Variants in KIF9 observed in about 807,000 individuals in gnomAD.
The protein encoded by KIF9 is kinesin family member 9.
KIF9 carries 68 observed loss-of-function variants against 94.8 expected under a neutral mutation model. The ratio of observed to expected loss-of-function variants is 0.72; its 90% confidence interval spans 0.59 to 0.88. KIF9 has a LOEUF of 0.88. Among genes scored for constraint, KIF9 ranks in the 40% least tolerant of loss-of-function variants. The pLI is 0.00. For synonymous variants in KIF9, 343 were observed against 362.1 expected, an observed-to-expected ratio of 0.95 and a Z score of 0.60; for missense variants, 882 against 982.5, an observed-to-expected ratio of 0.90 and a Z score of 1.37.
chr3:47,238,064 T>C (rs1346671963), intron 17 of KIF9, among the ~76,000 whole-genome samples: 1 of 152,236 alleles, frequency 6.6e-6, no homozygotes, highest in Admixed American at 6.5e-5. Flanking sequence ...AATTTAAAGA[T>C]GATTTTACAT....
Position 47,254,845 on chromosome 3 carries a change from G to GA in KIF9, c.1059+2637dup, listed in dbSNP as rs557979387. 5.9e-5 allele frequency among the ~76,000 whole-genome samples: 9 copies of GA among 151,352 alleles called. No individual in the cohort carries two copies. The South Asian group carries it at 1.9e-3, about 32-fold the overall frequency. ...TAAGATGAAATTTTTAAAAAAGAAA[G>GA]AAAAAAAAGGGCATCTTCAGGCCCC... On this transcript the variant is annotated intron_variant, in intron 10 of 20. Transcript: ENST00000684063.
intron 17 of KIF9, among the ~76,000 whole-genome samples, chr3:47,236,946 C>T (rs1699069178): frequency 6.6e-6 from 1 of 152,174 alleles, no homozygotes; most frequent in Admixed American, 6.5e-5. Flanking sequence ...AGTAAGCACC[C>T]CTAGTATACA....
At chr3:47,260,913 G>A (rs1441244766) in intron 9 of KIF9, among the ~76,000 whole-genome samples, 3 of 152,248 alleles carry the variant, frequency 2.0e-5, no homozygotes, top group African/African-American at 7.2e-5. Context: ...GCGAGAGCCA[G>A]GTCAACATCT....
At chr3:47,268,402 C>G (rs1042294697) in intron 5 of KIF9, among the ~76,000 whole-genome samples, 4 of 152,040 alleles carry the variant, frequency 2.6e-5, no homozygotes, top group African/African-American at 4.8e-5. Context: ...GACAGCCCCC[C>G]CTGGGGAGAG....
intron 20 of KIF9, among the ~76,000 whole-genome samples, chr3:47,232,909 G>A (rs1259250461): frequency 1.3e-5 from 2 of 149,914 alleles, no homozygotes; most frequent in African/African-American, 4.9e-5. Context: ...GTGAACCCGG[G>A]AGGCGGAGTT....
intron 10 of KIF9, among the ~76,000 whole-genome samples, chr3:47,256,887 G>A (rs1700651246): frequency 6.6e-6 from 1 of 152,204 alleles, no homozygotes. Flanking sequence ...TCCACTCAGG[G>A]TTAAATGGAT....
chr3:47,281,242 A>G, intron 1 of KIF9: 1 of 520,954 alleles, frequency 1.9e-6, no homozygotes, highest in Non-Finnish European at 3.4e-6. Context: ...CTTCCATGAC[A>G]ACTCCAACCA....
rs1371401691 is a variant in KIF9 at position 47,257,560 on chromosome 3, G to C, written c.982C>G (p.Leu328Val). Residue 328 changes from leucine to valine, a missense_variant and splice_region_variant, in exon 10 of 21, where the codon CTA (leucine) becomes GTA (valine). By Grantham distance (32) the Leu-to-Val change is conservative. Transcript: ENST00000684063. ...YGEAAQLEET[L>V]SSLRFASRMK... Reference sequence around the variant, plus strand: ...CTGCTGGCAAATCTCAGTGAAGATAGCTGCAAAACAGAGCAGGTAGACATT... The same window carrying C: ...CTGCTGGCAAATCTCAGTGAAGATACCTGCAAAACAGAGCAGGTAGACATT... The C allele has an allele frequency of 6.2e-7, 1 of 1,613,062 alleles. No individual in the cohort carries two copies. The highest frequency in any genetic ancestry group is 1.7e-5 in the Admixed American group (1 of 60,032).
Position 47,228,702 on chromosome 3 carries a change from G to T in KIF9, c.2323C>A (p.His775Asn), listed in dbSNP as rs780934048. Residue 775 changes from histidine (H) to asparagine (N), a missense_variant and splice_region_variant, in exon 21 of 21, where the codon CAT becomes AAT. Physicochemically the swap from His to Asn is moderately conservative, Grantham distance 68. Transcript: ENST00000684063. ...YNAKVKIEQKHNYLKTMMGLQ... is the reference protein window; with the variant it reads ...YNAKVKIEQKNNYLKTMMGLQ... ...CCCATCATGGTTTTCAAGTAATTAT[G>T]CTGGACACAGAGGGAAGAGAAAACA... 10 of 1,613,340 alleles carry T rather than the reference G, an allele frequency of 6.2e-6. No individual in the cohort carries two copies. Among genetic ancestry groups the T allele is most frequent in the Admixed American group, 3.3e-5 (2 of 59,986 alleles).
chr3:47,265,720 AC>A lies in KIF9; in HGVS notation c.916+9del, dbSNP rs1553622497. 8 of 1,613,192 alleles carry A rather than the reference AC, an allele frequency of 5.0e-6. No homozygotes were observed. Among genetic ancestry groups the A allele is most frequent in the Non-Finnish European group, 6.8e-6 (8 of 1,179,416 alleles). On this transcript the variant is annotated intron_variant, in intron 8 of 20. Transcript: ENST00000684063. ...ACCCTCCTCCCTGGGCAGCAACTGTACCCCCTCACCTAACGAGTCCTTCAGA... is the reference window on the plus strand; with the variant it reads ...ACCCTCCTCCCTGGGCAGCAACTGTACCCCTCACCTAACGAGTCCTTCAGA...
At chr3:47,251,810 C>T (rs1700289183) in intron 10 of KIF9, among the ~76,000 whole-genome samples, 1 of 152,192 alleles carries the variant, frequency 6.6e-6, no homozygotes, top group South Asian at 2.1e-4. Flanking sequence ...TACTAAGTCT[C>T]TCCCTGCTGT....
intron 1 of KIF9, 89 bp downstream of exon 1, chr3:47,282,406 C>T: frequency 1.0e-6 from 1 of 986,414 alleles, no homozygotes; most frequent in Non-Finnish European, 1.2e-6. Context: ...CCAGATAAAG[C>T]GGTTTTTGGA....
At chr3:47,280,795 C>T (rs1702282071) in intron 1 of KIF9, among the ~76,000 whole-genome samples, 1 of 152,170 alleles carries the variant, frequency 6.6e-6, no homozygotes, top group African/African-American at 2.4e-5. Flanking sequence ...TGTATGCTTC[C>T]CAAGGCCCTC....
intron 9 of KIF9, among the ~76,000 whole-genome samples, chr3:47,262,313 C>G (rs1179170939): frequency 6.7e-6 from 1 of 150,328 alleles, no homozygotes; most frequent in African/African-American, 2.5e-5. Context: ...GAGTCTTGCT[C>G]TGTCACCCAG....
chr3:47,234,488 C>T (rs1423873061), intron 20 of KIF9, among the ~76,000 whole-genome samples: 1 of 151,966 alleles, frequency 6.6e-6, no homozygotes, highest in Non-Finnish European at 1.5e-5. Context: ...CCTGCCTCAG[C>T]CTCCCAAAGT....
chr3:47,235,955 G>A (rs1698993520), intron 19 of KIF9, 79 bp downstream of exon 19: 1 of 1,089,962 alleles, frequency 9.2e-7, no homozygotes, highest in Non-Finnish European at 1.4e-6. Flanking sequence ...CCATCTTTGT[G>A]TTGAGAACAG....
chr3:47,233,417 C>T (rs1356095786), intron 20 of KIF9, among the ~76,000 whole-genome samples: 2 of 148,698 alleles, frequency 1.3e-5, no homozygotes, highest in Non-Finnish European at 3.0e-5. Flanking sequence ...AAAAACCGGC[C>T]AGGTACAATG....
rs778471005 is a variant in KIF9, at chr3:47,277,392, G to A, written c.-5-13C>T. The A allele has an allele frequency of 3.2e-6, 5 of 1,584,726 alleles. No individual in the cohort carries two copies. In the South Asian group the frequency reaches 3.3e-5, roughly 11 times the overall value. On this transcript the variant is annotated splice_polypyrimidine_tract_variant and intron_variant, in intron 1 of 20. Coordinates refer to ENST00000684063, the MANE Select transcript of KIF9 (RefSeq NM_182902.4). ...GTACCCATTCTAGCTAAAAAGAAGG[G>A]AACAATGAAATTTTGAGTAGTCATT... is the stretch of plus-strand genomic sequence containing the variant.
chr3:47,238,915 G>A (rs1052333487), intron 17 of KIF9, among the ~76,000 whole-genome samples: 198 of 151,770 alleles, frequency 1.3e-3, no homozygotes, highest in African/African-American at 4.6e-3. Flanking sequence ...TGCCCGCCTC[G>A]GCCTCCCAAA....
Sources: allele counts gnomAD v4.1 joint callset (sites outside exome capture counted in the v4.1 genomes callset), GRCh38; gene constraint gnomAD v4.1.1; transcripts MANE v1.5; gene names NCBI Gene and HGNC (gene_info 2026-07-23, HGNC 2026-07-21).